DNAJC6: variants seen among roughly 807,000 people sequenced by gnomAD.
DNAJC6 encodes the protein auxilin.
In DNAJC6, 34 loss-of-function variants were observed where a neutral mutation model predicts 110.0. That is an observed-to-expected ratio of 0.31 (90% confidence interval 0.24 to 0.41). The LOEUF is 0.41. Ranked by LOEUF, DNAJC6 falls within the 10% of genes least tolerant of loss-of-function variation. The pLI, the probability that DNAJC6 is intolerant of heterozygous loss-of-function variation, is 1.00. For synonymous variants in DNAJC6, 406 were observed against 437.2 expected, an observed-to-expected ratio of 0.93 and a Z score of 0.89; for missense variants, 1,031 against 1,207.8, an observed-to-expected ratio of 0.85 and a Z score of 2.17.
At chr1:65,355,264 CAAAAAAAAAAAAA>C (rs58338708) in intron 1 of DNAJC6, among the ~76,000 whole-genome samples, 8 of 84,218 alleles carry the variant, frequency 9.5e-5, no homozygotes, top group African/African-American at 3.4e-4. Flanking sequence ...CACCCTGTCT[CAAAAAAAAAAAAA>C]AAAAAAAAAG....
At chr1:65,265,056 T>A in intron 1 of DNAJC6, 1 of 802,274 alleles carries the variant, frequency 1.2e-6, no homozygotes, top group Non-Finnish European at 2.0e-6. Flanking sequence ...TTACCATACC[T>A]ATATTAACAT....
intron 1 of DNAJC6, among the ~76,000 whole-genome samples, chr1:65,303,034 G>A (rs1238666964): frequency 6.6e-6 from 1 of 152,170 alleles, no homozygotes; most frequent in African/African-American, 2.4e-5. Context: ...TAAGGCAAAC[G>A]TTGTTATACT....
intron 1 of DNAJC6, among the ~76,000 whole-genome samples, chr1:65,321,003 A>G (rs1324862251): frequency 6.6e-6 from 1 of 152,206 alleles, no homozygotes; most frequent in Non-Finnish European, 1.5e-5. Flanking sequence ...TGTACCTGAT[A>G]TAACTGGTGC....
chr1:65,327,960 C>G (rs1645255489), intron 1 of DNAJC6, among the ~76,000 whole-genome samples: 1 of 152,114 alleles, frequency 6.6e-6, no homozygotes, highest in South Asian at 2.1e-4. Context: ...AGCAATTCTC[C>G]CACCTCAGCC....
chr1:65,389,904 G>A (rs1645909621), intron 11 of DNAJC6, among the ~76,000 whole-genome samples: 1 of 152,190 alleles, frequency 6.6e-6, no homozygotes, highest in African/African-American at 2.4e-5. Flanking sequence ...TCCTAGCTAT[G>A]TCAGAGGCTA....
chr1:65,290,715 G>T (rs1224908698), intron 1 of DNAJC6, among the ~76,000 whole-genome samples: 2 of 152,058 alleles, frequency 1.3e-5, no homozygotes, highest in African/African-American at 4.8e-5. Flanking sequence ...ACTATAGTAT[G>T]ATAATAATAA....
At chr1:65,342,688 T>A (rs572200692) in intron 1 of DNAJC6, among the ~76,000 whole-genome samples, 1 of 152,332 alleles carries the variant, frequency 6.6e-6, no homozygotes, top group African/African-American at 2.4e-5. Flanking sequence ...AGTAAGATAA[T>A]GGACATAAAG....
chr1:65,335,073 G>A (rs967135366), intron 1 of DNAJC6, among the ~76,000 whole-genome samples: 2 of 151,468 alleles, frequency 1.3e-5, no homozygotes, highest in Non-Finnish European at 2.9e-5. Flanking sequence ...AGATACTCTG[G>A]TACAAATAAC....
chr1:65,315,895 A>G (rs1645144539), intron 1 of DNAJC6, among the ~76,000 whole-genome samples: 3 of 152,206 alleles, frequency 2.0e-5, no homozygotes, highest in Non-Finnish European at 2.9e-5. Flanking sequence ...AAGGAAAAAT[A>G]GGAGTGATTG....
chr1:65,283,844 T>C (rs1653927285), intron 1 of DNAJC6, among the ~76,000 whole-genome samples: 1 of 152,212 alleles, frequency 6.6e-6, no homozygotes, highest in Admixed American at 6.5e-5. Flanking sequence ...CTTTTTAGCA[T>C]TTGTGGTGGG....
chr1:65,363,426 GAC>G (rs939037910), intron 1 of DNAJC6, among the ~76,000 whole-genome samples: 26 of 49,048 alleles, frequency 5.3e-4, no homozygotes, highest in East Asian at 1.7e-3. Context: ...GAGAGAGAGA[GAC>G]AGAGAAAGAG....
intron 1 of DNAJC6, among the ~76,000 whole-genome samples, chr1:65,338,991 A>C (rs900081547): frequency 3.3e-5 from 5 of 152,148 alleles, no homozygotes; most frequent in Non-Finnish European, 2.9e-5. Context: ...CCTCTGCGTC[A>C]CATTATCCTT....
upstream of DNAJC6, among the ~76,000 whole-genome samples, chr1:65,304,965 C>T (rs1225092058): frequency 1.3e-5 from 2 of 152,218 alleles, no homozygotes; most frequent in Admixed American, 6.5e-5. Context: ...GCTTGATGTT[C>T]CCCAGTTGAA....
At chr1:65,271,306 C>T (rs988180740) in intron 1 of DNAJC6, among the ~76,000 whole-genome samples, 2 of 152,042 alleles carry the variant, frequency 1.3e-5, no homozygotes, top group African/African-American at 2.4e-5. Flanking sequence ...AAATATACAA[C>T]ACATTATTAT....
At chr1:65,412,260 G>A (rs1646136074) in intron 18 of DNAJC6, among the ~76,000 whole-genome samples, 1 of 152,192 alleles carries the variant, frequency 6.6e-6, no homozygotes, top group African/African-American at 2.4e-5. Context: ...GAAACTTCAA[G>A]TAACTCATGG....
At chr1:65,381,736 A>C (rs1446054060) in intron 5 of DNAJC6, among the ~76,000 whole-genome samples, 1 of 152,174 alleles carries the variant, frequency 6.6e-6, no homozygotes, top group Admixed American at 6.5e-5. Context: ...TCCTTTTTTT[A>C]AAACTGTGTT....
At chr1:65,405,107 A>G (rs933447130) in intron 15 of DNAJC6, among the ~76,000 whole-genome samples, 1 of 152,176 alleles carries the variant, frequency 6.6e-6, no homozygotes, top group Admixed American at 6.5e-5. Context: ...GCTGGTTTTC[A>G]TATTTTGGAC....
chr1:65,406,086 C>A lies in DNAJC6; in HGVS notation c.2444C>A (p.Ala815Asp), dbSNP rs1163114231. ...NRPNYNVSFS[A>D]MPGGQNERGK... Reference sequence around the variant, plus strand: ...CCCAACTACAACGTGAGCTTCTCAGCCATGCCTGGGGGCCAGAACGAACGT... The same window carrying A: ...CCCAACTACAACGTGAGCTTCTCAGACATGCCTGGGGGCCAGAACGAACGT... Residue 815 changes from alanine to aspartate, a missense_variant, in exon 16 of 19, where the codon GCC becomes GAC. By Grantham distance (126) the Ala-to-Asp change is moderately radical. Transcript: ENST00000371069. 1.2e-6 allele frequency: 2 copies of A among 1,614,174 alleles called. No homozygotes were observed. The highest frequency in any genetic ancestry group is 4.5e-5 in the East Asian group (2 of 44,866).
upstream of DNAJC6, among the ~76,000 whole-genome samples, chr1:65,305,828 G>A (rs1645031889): frequency 6.6e-6 from 1 of 152,026 alleles, no homozygotes; most frequent in Non-Finnish European, 1.5e-5. Context: ...TTTTACAGAT[G>A]GGAAGTTGCA....
Sources: allele counts gnomAD v4.1 joint callset (sites outside exome capture counted in the v4.1 genomes callset), GRCh38; gene constraint gnomAD v4.1.1; transcripts MANE v1.5; gene names NCBI Gene and HGNC (gene_info 2026-07-23, HGNC 2026-07-21).